The following STK32B variants were observed in gnomAD, a reference collection of about 807,000 sequenced individuals.
The protein encoded by STK32B is serine/threonine-protein kinase 32B.
STK32B carries 43 observed loss-of-function variants against 52.6 expected under a neutral mutation model. The observed-to-expected ratio is 0.82, with a 90% CI of 0.64 to 1.05. STK32B has a LOEUF of 1.05. Among genes scored for constraint, STK32B ranks in the 50% least tolerant of loss-of-function variants. The probability of loss-of-function intolerance (pLI) is 0.00; values close to 1 mark genes in which losing one functional copy is unlikely to be tolerated. For synonymous variants in STK32B, 238 were observed against 204.3 expected (o/e 1.17, Z -1.41); for missense variants, 621 against 534.6 (o/e 1.16, Z -1.59).
intron 11 of STK32B, among the ~76,000 whole-genome samples, chr4:5,493,513 T>A (rs1221665021): frequency 6.6e-6 from 1 of 152,190 alleles, no homozygotes; most frequent in Non-Finnish European, 1.5e-5. Flanking sequence ...ATTTTGTTGA[T>A]CCTTTCAAAA....
At chr4:5,312,311 A>G (rs2108912378) in intron 3 of STK32B, among the ~76,000 whole-genome samples, 1 of 148,838 alleles carries the variant, frequency 6.7e-6, no homozygotes, top group African/African-American at 2.6e-5. Context: ...ATTATACTTT[A>G]AGTTTTAGGG....
intron 3 of STK32B, among the ~76,000 whole-genome samples, chr4:5,191,909 C>T (rs537245991): frequency 1.3e-3 from 193 of 152,338 alleles, no homozygotes; most frequent in South Asian, 2.9e-3. Flanking sequence ...ATGACCGGCA[C>T]GGGCTGAGGG....
intron 3 of STK32B, among the ~76,000 whole-genome samples, chr4:5,329,825 C>T (rs1315935376): frequency 2.0e-5 from 3 of 152,180 alleles, no homozygotes; most frequent in East Asian, 3.9e-4. Context: ...TGACTTGTGT[C>T]CAGCCATCTC....
intron 4 of STK32B, among the ~76,000 whole-genome samples, chr4:5,379,738 C>G (rs1735816371): frequency 6.6e-6 from 1 of 152,156 alleles, no homozygotes; most frequent in African/African-American, 2.4e-5. Context: ...TGGCCACCTG[C>G]AAGTCAAGGA....
At chr4:5,078,564 G>A (rs543162535) in intron 1 of STK32B, among the ~76,000 whole-genome samples, 7 of 152,164 alleles carry the variant, frequency 4.6e-5, no homozygotes, top group East Asian at 1.9e-4. Context: ...AACTACGTCC[G>A]AACCTGTCTG....
chr4:5,442,202 G>A (rs1424525899), intron 6 of STK32B, among the ~76,000 whole-genome samples: 7 of 136,806 alleles, frequency 5.1e-5, no homozygotes, highest in Admixed American at 1.5e-4. Flanking sequence ...TTGACAGTGG[G>A]GTGTTAAAGT....
At chr4:5,037,245 G>A in the STK32B span, among the ~76,000 whole-genome samples, 1 of 152,128 alleles carries the variant, frequency 6.6e-6, no homozygotes, top group Non-Finnish European at 1.5e-5. Flanking sequence ...ATGTTTCCTG[G>A]GTGGGGGATC....
intron 6 of STK32B, among the ~76,000 whole-genome samples, chr4:5,425,354 T>C (rs1469367179): frequency 6.6e-6 from 1 of 152,178 alleles, no homozygotes; most frequent in African/African-American, 2.4e-5. Flanking sequence ...GTAGATATTA[T>C]TGAGGCCAGG....
Position 5,493,065 on chromosome 4 carries a change from C to A in STK32B, c.1107-5880C>A. ...CTTTTATGGTTGTGTCTCTGCCTGGCTTTGGTATCAGGATGATGCTGGCCT... is the reference window on the plus strand; with the variant it reads ...CTTTTATGGTTGTGTCTCTGCCTGGATTTGGTATCAGGATGATGCTGGCCT... On this transcript the variant is annotated intron_variant, in intron 11 of 11. Transcript: ENST00000282908. Among the ~76,000 whole-genome samples, 2 of 151,288 alleles carry A rather than the reference C, an allele frequency of 1.3e-5. 1 individual carries two copies. Among genetic ancestry groups the A allele is most frequent in the African/African-American group, 4.9e-5 (2 of 40,612 alleles).
At chr4:5,359,140 A>C (rs543218179) in intron 4 of STK32B, among the ~76,000 whole-genome samples, 18 of 152,306 alleles carry the variant, frequency 1.2e-4, no homozygotes, top group African/African-American at 4.1e-4. Context: ...AGCATTTTTG[A>C]AACCGTTCCT....
At chr4:5,317,371 A>G (rs1731126796) in intron 3 of STK32B, among the ~76,000 whole-genome samples, 1 of 78,524 alleles carries the variant, frequency 1.3e-5, no homozygotes, top group Non-Finnish European at 2.0e-5. Flanking sequence ...ATGTATATGT[A>G]TTATATATAT....
At chr4:5,324,988 G>A (rs1042822339) in intron 3 of STK32B, among the ~76,000 whole-genome samples, 9 of 152,148 alleles carry the variant, frequency 5.9e-5, no homozygotes, top group African/African-American at 1.9e-4. Flanking sequence ...CTGTGCGTGC[G>A]AGCCTGTCTT....
chr4:5,219,889 G>A (rs1723415003), intron 3 of STK32B, among the ~76,000 whole-genome samples: 1 of 152,162 alleles, frequency 6.6e-6, no homozygotes, highest in Admixed American at 6.5e-5. Context: ...AGGACTGGTA[G>A]GGAGCGGACC....
chr4:5,242,943 G>C (rs1725147464), intron 3 of STK32B, among the ~76,000 whole-genome samples: 1 of 152,192 alleles, frequency 6.6e-6, no homozygotes, highest in South Asian at 2.1e-4. Flanking sequence ...CTATATCTCT[G>C]TTTTGGTACC....
At chr4:5,127,471 A>G (rs2078699630) in intron 1 of STK32B, among the ~76,000 whole-genome samples, 3 of 152,160 alleles carry the variant, frequency 2.0e-5, no homozygotes, top group Admixed American at 2.0e-4. Context: ...GTCATCATTT[A>G]TTGAACCTCT....
At chr4:5,173,291 G>T (rs1391489693) in intron 3 of STK32B, among the ~76,000 whole-genome samples, 1 of 151,980 alleles carries the variant, frequency 6.6e-6, no homozygotes, top group South Asian at 2.1e-4. Flanking sequence ...GTTTTTTTGT[G>T]TCTCTATTTC....
chr4:5,073,516 T>A (rs928314125), intron 1 of STK32B, among the ~76,000 whole-genome samples: 2 of 152,022 alleles, frequency 1.3e-5, no homozygotes, highest in Admixed American at 1.3e-4. Flanking sequence ...ACCAGGTTTT[T>A]CTTTAAGAAA....
At chr4:5,224,994 G>A (rs1055478172) in intron 3 of STK32B, among the ~76,000 whole-genome samples, 8 of 152,130 alleles carry the variant, frequency 5.3e-5, no homozygotes, top group Admixed American at 1.3e-4. Flanking sequence ...TCATGCAGAC[G>A]TGAAATAGGC....
intron 1 of STK32B, among the ~76,000 whole-genome samples, chr4:5,135,468 A>G (rs536609126): frequency 1.3e-5 from 2 of 152,354 alleles, no homozygotes; most frequent in Admixed American, 1.3e-4. Context: ...AATAGTTAGC[A>G]TTTACTAAGC....
Sources: allele counts gnomAD v4.1 joint callset (sites outside exome capture counted in the v4.1 genomes callset), GRCh38; gene constraint gnomAD v4.1.1; transcripts MANE v1.5; gene names NCBI Gene and HGNC (gene_info 2026-07-23, HGNC 2026-07-21).